NEGR1: variants seen among roughly 807,000 people sequenced by gnomAD.
The protein encoded by NEGR1 is neuronal growth regulator 1.
In NEGR1, 10 loss-of-function variants were observed where a neutral mutation model predicts 40.9. That is an observed-to-expected ratio of 0.24 (90% CI 0.15 to 0.42). The LOEUF (loss-of-function observed/expected upper bound fraction) is 0.42, where lower values mean the gene tolerates loss of function less well. NEGR1 is among the 10% of genes least tolerant of loss of function. The pLI is 1.00. For missense variants in NEGR1, 352 were observed against 438.9 expected (o/e 0.80, Z 1.77); for synonymous variants, 185 against 166.8 (o/e 1.11, Z -0.84).
At chr1:72,085,834 G>T (rs1245790247) in intron 1 of NEGR1, among the ~76,000 whole-genome samples, 2 of 151,820 alleles carry the variant, frequency 1.3e-5, no homozygotes, top group African/African-American at 4.8e-5. Flanking sequence ...GCTGGGAGTG[G>T]TGGTGTGCAC....
At chr1:71,704,568 A>G (rs1303325512) in intron 3 of NEGR1, among the ~76,000 whole-genome samples, 1 of 151,764 alleles carries the variant, frequency 6.6e-6, no homozygotes, top group Non-Finnish European at 1.5e-5. Context: ...TTTTTGAAAA[A>G]TAGAAATTTA....
chr1:71,928,161 C>T (rs200289990), intron 2 of NEGR1, among the ~76,000 whole-genome samples: 2 of 906 alleles, frequency 2.2e-3, no homozygotes, highest in African/African-American at 3.8e-3. Flanking sequence ...TATGTATATA[C>T]GTATATATGT....
chr1:71,474,687 A>G (rs1044045460), intron 6 of NEGR1, among the ~76,000 whole-genome samples: 25 of 143,694 alleles, frequency 1.7e-4, no homozygotes, highest in African/African-American at 6.0e-4. Flanking sequence ...CATTGCACTC[A>G]AGCCTGGGTG....
At chr1:71,661,663 C>T (rs115480955) in intron 4 of NEGR1, among the ~76,000 whole-genome samples, 11 of 152,298 alleles carry the variant, frequency 7.2e-5, no homozygotes, top group Middle Eastern at 3.4e-3. Flanking sequence ...GTCAGATAAT[C>T]AGAATGTGAA....
intron 1 of NEGR1, among the ~76,000 whole-genome samples, chr1:72,247,137 G>A (rs997820984): frequency 6.6e-6 from 1 of 152,112 alleles, no homozygotes; most frequent in African/African-American, 2.4e-5. Flanking sequence ...GTGATGAGAG[G>A]GGCTGTCATT....
intron 2 of NEGR1, among the ~76,000 whole-genome samples, chr1:71,863,478 A>G (rs1158524401): frequency 6.6e-6 from 1 of 152,118 alleles, no homozygotes; most frequent in Admixed American, 6.6e-5. Flanking sequence ...CATCAGGAAG[A>G]ATAGCTAATG....
intron 1 of NEGR1, among the ~76,000 whole-genome samples, chr1:71,943,581 G>T (rs1250202609): frequency 6.6e-6 from 1 of 152,036 alleles, no homozygotes; most frequent in African/African-American, 2.4e-5. Flanking sequence ...TGTAAAGGGT[G>T]CTTCAATACA....
At chr1:71,452,400 T>C (rs953577685) in intron 6 of NEGR1, among the ~76,000 whole-genome samples, 2 of 152,210 alleles carry the variant, frequency 1.3e-5, no homozygotes, top group Non-Finnish European at 2.9e-5. Flanking sequence ...CTTTTACAAC[T>C]AAAGTGTTGA....
At position 71,745,883 on chromosome 1, in the gene NEGR1, G is replaced by A. The variant is rs557923692; in HGVS notation, c.535+30289C>T. Among the ~76,000 whole-genome samples, 4 of 152,250 alleles carry A rather than the reference G, an allele frequency of 2.6e-5. No individual in the cohort carries two copies. The South Asian group carries it at 8.3e-4, about 32-fold the overall frequency. ...CTAATCTTGCATCCTGCCTTTCTGTGTAACAGCTGGCCATAAAGTAATTAA... is the reference window on the plus strand; with the variant it reads ...CTAATCTTGCATCCTGCCTTTCTGTATAACAGCTGGCCATAAAGTAATTAA... On this transcript the variant is annotated intron_variant, in intron 3 of 6. Transcript: ENST00000357731.
intron 3 of NEGR1, among the ~76,000 whole-genome samples, chr1:71,708,787 GCATC>G (rs1653986744): frequency 6.6e-6 from 1 of 152,120 alleles, no homozygotes; most frequent in South Asian, 2.1e-4. Context: ...TCCCCACTAT[GCATC>G]CATGTGTTCT....
chr1:72,045,548 CCCTGCACAAGCTCTCTTTTTG>C (rs1408061785), intron 1 of NEGR1, among the ~76,000 whole-genome samples: 1 of 151,722 alleles, frequency 6.6e-6, no homozygotes, highest in Non-Finnish European at 1.5e-5. Flanking sequence ...ATGAGAGTTT[CCCTGCACAAGCTCTCTTTTTG>C]CCTGGTGCCA....
At chr1:71,811,596 A>C (rs995600398) in intron 2 of NEGR1, among the ~76,000 whole-genome samples, 6 of 150,918 alleles carry the variant, frequency 4.0e-5, no homozygotes, top group African/African-American at 1.5e-4. Flanking sequence ...TTTACTTATA[A>C]GTAAGTAATT....
At chr1:71,896,492 C>T (rs187584545) in intron 2 of NEGR1, among the ~76,000 whole-genome samples, 160 of 152,190 alleles carry the variant, frequency 1.1e-3, no homozygotes, top group Non-Finnish European at 1.5e-3. Flanking sequence ...TCCCATTCTG[C>T]GTGTTATTTC....
Position 71,484,038 on chromosome 1 carries a change from G to A in NEGR1, c.941-76468C>T, listed in dbSNP as rs894866989. Among the ~76,000 whole-genome samples the A allele has an allele frequency of 4.6e-5, 7 of 151,458 alleles. No homozygotes were observed. The South Asian group carries it at 1.2e-3, about 27-fold the overall frequency. On this transcript the variant is annotated intron_variant, in intron 6 of 6. Transcript: ENST00000357731. ...GAGTATAAATTTGAAAACCATATGGGTTTTCTAGGTAAACTCATCAATATT... is the reference window on the plus strand; with the variant it reads ...GAGTATAAATTTGAAAACCATATGGATTTTCTAGGTAAACTCATCAATATT...
chr1:72,169,724 T>C lies in NEGR1; in HGVS notation c.176+112595A>G, dbSNP rs1000266224. The stretch of plus-strand genomic sequence containing the variant: ...TAAATGGATCTATACTGATGAGCCT[T>C]TCCTTCTGACCCACTGTTTTTAACA... On this transcript the variant is annotated intron_variant, in intron 1 of 6. Transcript: ENST00000357731. Among the ~76,000 whole-genome samples, 4 of 152,310 alleles carry C rather than the reference T, an allele frequency of 2.6e-5. No homozygotes were observed. The East Asian group carries it at 7.7e-4, about 29-fold the overall frequency.
intron 2 of NEGR1, among the ~76,000 whole-genome samples, chr1:71,794,798 A>G (rs1570356247): frequency 6.6e-6 from 1 of 152,262 alleles, no homozygotes; most frequent in African/African-American, 2.4e-5. Flanking sequence ...TGATTTAAAT[A>G]AAGCCACATT....
chr1:71,631,196 C>T (rs1650958632), intron 4 of NEGR1, among the ~76,000 whole-genome samples: 1 of 151,720 alleles, frequency 6.6e-6, no homozygotes, highest in Non-Finnish European at 1.5e-5. Flanking sequence ...GTTTCCACAG[C>T]TAATTTCATT....
intron 2 of NEGR1, among the ~76,000 whole-genome samples, chr1:71,865,109 A>G (rs1053109301): frequency 1.2e-4 from 19 of 152,176 alleles, no homozygotes; most frequent in African/African-American, 4.6e-4. Flanking sequence ...TAAGGATAAA[A>G]TGATTAGAAC....
chr1:72,000,399 T>C (rs1467664721), intron 1 of NEGR1, among the ~76,000 whole-genome samples: 2 of 151,948 alleles, frequency 1.3e-5, no homozygotes, highest in Non-Finnish European at 2.9e-5. Context: ...ATTTTACAAA[T>C]GAGGAAATAG....
Sources: gnomAD v4.1 joint callset for allele counts (sites outside exome capture counted in the v4.1 genomes callset) on GRCh38, gnomAD v4.1.1 for gene constraint, MANE v1.5 for transcripts, NCBI Gene and HGNC (gene_info 2026-07-23, HGNC 2026-07-21) for gene names.